Variants in SPAG17 observed in about 807,000 individuals in gnomAD.
SPAG17 encodes the protein sperm-associated antigen 17.
SPAG17 carries 169 observed loss-of-function variants against 273.6 expected under a neutral mutation model. The observed-to-expected ratio is 0.62, with a 90% CI of 0.55 to 0.70. SPAG17 has a LOEUF of 0.70. Ranked by LOEUF, SPAG17 falls within the 30% of genes least tolerant of loss-of-function variation. The pLI is 0.00. For synonymous variants in SPAG17, 825 were observed against 873.2 expected (o/e 0.94, Z 0.97); for missense variants, 2,557 against 2,627.8 (o/e 0.97, Z 0.59).
intron 3 of SPAG17, among the ~76,000 whole-genome samples, chr1:118,146,147 A>G (rs1428131725): frequency 1.3e-5 from 2 of 152,206 alleles, no homozygotes; most frequent in African/African-American, 4.8e-5. Flanking sequence ...TACCAAAGTG[A>G]TAATGTCAAA....
Position 118,100,489 on chromosome 1 carries a change from C to T in SPAG17, c.635-689G>A, listed in dbSNP as rs534687144. On this transcript the variant is annotated intron_variant, in intron 5 of 48. Coordinates refer to ENST00000336338, the MANE Select transcript of SPAG17 (RefSeq NM_206996.4). ...TTGTTATACTTTAATACTGATAGCA[C>T]ATGGTACAAAAAAGCACTACATTTC... is the stretch of plus-strand genomic sequence containing the variant. Among the ~76,000 whole-genome samples, 4 of 152,224 alleles carry T rather than the reference C, an allele frequency of 2.6e-5. No individual in the cohort carries two copies. In the South Asian group the frequency reaches 8.3e-4, roughly 32 times the overall value.
intron 15 of SPAG17, among the ~76,000 whole-genome samples, chr1:118,080,521 G>T (rs1654463243): frequency 6.6e-6 from 1 of 152,170 alleles, no homozygotes; most frequent in Admixed American, 6.5e-5. Context: ...TTTGCAGATA[G>T]TAGGAAGCCT....
chr1:118,154,773 G>T (rs1182214783), intron 1 of SPAG17, among the ~76,000 whole-genome samples: 2 of 152,078 alleles, frequency 1.3e-5, no homozygotes, highest in African/African-American at 4.8e-5. Flanking sequence ...GTAGACCATT[G>T]TGGGCAAATG....
At chr1:118,034,574 T>G (rs1221154010) in intron 24 of SPAG17, among the ~76,000 whole-genome samples, 1 of 152,218 alleles carries the variant, frequency 6.6e-6, no homozygotes, top group Non-Finnish European at 1.5e-5. Context: ...TGCTGTAGCT[T>G]GCAGAATGGG....
In SPAG17 at chr1:118,073,949, C is replaced by T. The variant is rs753288927; in HGVS notation, c.2290G>A (p.Val764Met). ...SHEKKPKKMM[V>M]EADLEDIKKT... ...TTTATGTCCTCTAAATCTGCTTCCA[C>T]CATCATCTTCTTGGGTTTCTAAAAT... The change falls in exon 17 of 49, where the codon GTG (valine) becomes ATG (methionine). Residue 764 changes from valine (V) to methionine (M), a missense_variant. Val to Met is a conservative substitution (Grantham distance 21). Transcript: ENST00000336338. 1.9e-6 allele frequency: 3 copies of T among 1,560,432 alleles called. No homozygotes were observed. Among genetic ancestry groups the T allele is most frequent in the Non-Finnish European group, 2.6e-6 (3 of 1,162,052 alleles).
intron 10 of SPAG17, among the ~76,000 whole-genome samples, chr1:118,087,438 ATCATTTAAGCC>A (rs1237589148): frequency 6.6e-6 from 1 of 152,190 alleles, no homozygotes; most frequent in African/African-American, 2.4e-5. Flanking sequence ...TTCACATGTG[ATCATTTAAGCC>A]TCACAGCAAT....
At position 118,093,282 on chromosome 1, in the gene SPAG17, G is replaced by A; in HGVS notation, c.1047C>T (p.Ala349=). Residue 349 remains alanine, a synonymous_variant, in exon 8 of 49, where the codon GCC becomes GCT. Transcript: ENST00000336338. ...KLGTDIFENI[A]CLMYDILDWK... ...AATCCAGGATGTCATACATCAAGCA[G>A]GCAATATTTTCAAAAATATCAGTGC... The A allele has an allele frequency of 6.2e-7, 1 of 1,612,358 alleles. No homozygotes were observed.
At position 118,151,292 on chromosome 1, in the gene SPAG17, C is replaced by T. The variant is rs1659362720; in HGVS notation, c.165G>A (p.Val55=). The change falls in exon 2 of 49, where the codon GTG becomes GTA. Residue 55 remains valine, a synonymous_variant. Coordinates refer to ENST00000336338, the MANE Select transcript of SPAG17 (RefSeq NM_206996.4). ...EDDLLIQALT[V]AVQVPQRKLF... ...GTTTACGCTGAGGGACCTGGACAGC[C>T]ACGGTAAGGGCTTGGATGAGAAGAT... 5.6e-6 allele frequency: 9 copies of T among 1,613,526 alleles called. No homozygotes were observed. The highest frequency in any genetic ancestry group is 7.6e-6 in the Non-Finnish European group (9 of 1,179,632).
intron 22 of SPAG17, among the ~76,000 whole-genome samples, 168 bp downstream of exon 22, chr1:118,040,562 T>C (rs1018620154): frequency 6.6e-6 from 1 of 152,144 alleles, no homozygotes; most frequent in African/African-American, 2.4e-5. Flanking sequence ...TAGAGTCAAT[T>C]ATAATAGAAG....
At chr1:118,093,056 A>C in intron 8 of SPAG17, 100 bp downstream of exon 8, 1 of 1,270,464 alleles carries the variant, frequency 7.9e-7, no homozygotes, top group Non-Finnish European at 1.1e-6. Flanking sequence ...ACCTTAATGT[A>C]AGTATTTATG....
chr1:118,091,042 A>G (rs1489884750), intron 10 of SPAG17, among the ~76,000 whole-genome samples: 1 of 152,212 alleles, frequency 6.6e-6, no homozygotes, highest in African/African-American at 2.4e-5. Context: ...ATCATGATCA[A>G]GAAAAGGAAA....
At chr1:118,113,300 T>G (rs1656882980) in intron 4 of SPAG17, among the ~76,000 whole-genome samples, 1 of 152,136 alleles carries the variant, frequency 6.6e-6, no homozygotes, top group Non-Finnish European at 1.5e-5. Context: ...TCCTCTTTTC[T>G]TTTTTTCATA....
chr1:118,000,832 G>T (rs932201733), intron 32 of SPAG17, among the ~76,000 whole-genome samples: 4 of 151,992 alleles, frequency 2.6e-5, no homozygotes, highest in Admixed American at 1.3e-4. Flanking sequence ...TTGCCTGATT[G>T]CCCTGGCCAG....
chr1:118,048,546 G>A (rs1041108974), intron 20 of SPAG17, among the ~76,000 whole-genome samples: 14 of 152,128 alleles, frequency 9.2e-5, no homozygotes, highest in Admixed American at 3.3e-4. Context: ...AAAGAGAGAT[G>A]ACTCAAACAA....
intron 2 of SPAG17, among the ~76,000 whole-genome samples, 182 bp downstream of exon 2, chr1:118,151,047 A>C (rs1659350219): frequency 6.6e-6 from 1 of 152,280 alleles, no homozygotes; most frequent in Admixed American, 6.5e-5. Flanking sequence ...CAAAATTAAT[A>C]AACAAAAATA....
At position 118,028,399 on chromosome 1, in the gene SPAG17, AAATAATTCAGCATGTG is replaced by A; in HGVS notation, c.3610-21_3610-6del. ...TTCTGGTTCTACTTCTTCTTCCTGT[AAATAATTCAGCATGTG>A]AATAATGGGCTGTCATTTTCTTAAT... On this transcript the variant is annotated splice_region_variant and splice_polypyrimidine_tract_variant and intron_variant, in intron 25 of 48. Coordinates refer to ENST00000336338, the MANE Select transcript of SPAG17 (RefSeq NM_206996.4). The A allele has an allele frequency of 6.2e-7, 1 of 1,611,944 alleles. No homozygotes were observed. The highest frequency in any genetic ancestry group is 1.3e-5 in the African/African-American group (1 of 74,884).
intron 3 of SPAG17, among the ~76,000 whole-genome samples, chr1:118,141,436 T>C (rs1658675179): frequency 6.6e-6 from 1 of 152,016 alleles, no homozygotes; most frequent in African/African-American, 2.4e-5. Flanking sequence ...GTTGGGGGAG[T>C]TGCAAGTTAG....
chr1:118,042,436 G>C (rs1009037502), intron 20 of SPAG17, among the ~76,000 whole-genome samples: 6 of 152,122 alleles, frequency 3.9e-5, no homozygotes, highest in African/African-American at 1.4e-4. Context: ...TGGAAGACTA[G>C]ATGTTCAGAG....
In SPAG17 at chr1:117,995,140, C is replaced by A. The variant is rs539797348; in HGVS notation, c.5054-610G>T. Among the ~76,000 whole-genome samples, 75 of 151,942 alleles carry A rather than the reference C, an allele frequency of 4.9e-4. 1 individual carries two copies. Among genetic ancestry groups the A allele is most frequent in the Non-Finnish European group, 7.8e-4 (53 of 67,922 alleles). On this transcript the variant is annotated intron_variant, in intron 34 of 48. Transcript: ENST00000336338. ...CTTTATGCTTTCTCCTTTATGTTTT[C>A]TTTTCCAAAAAAGCTCTCTCTCTTA...
Sources: gnomAD v4.1 joint callset for allele counts (sites outside exome capture counted in the v4.1 genomes callset) on GRCh38, gnomAD v4.1.1 for gene constraint, MANE v1.5 for transcripts, NCBI Gene and HGNC (gene_info 2026-07-23, HGNC 2026-07-21) for gene names.